Variants in RBFOX1 observed in about 807,000 individuals in gnomAD.
RBFOX1 encodes the protein RNA binding fox-1 homolog 1.
A neutral mutation model predicts 57.7 loss-of-function variants in RBFOX1; 8 were observed. The ratio of observed to expected loss-of-function variants is 0.14; its 90% CI spans 0.08 to 0.25. The LOEUF is 0.25. Ranked by LOEUF, RBFOX1 falls within the 10% of genes least tolerant of loss-of-function variation. The pLI, the probability that RBFOX1 is intolerant of heterozygous loss-of-function variation, is 1.00. For missense variants in RBFOX1, 611 were observed against 548.5 expected (o/e 1.11, Z -1.14); for synonymous variants, 326 against 222.4 (o/e 1.47, Z -4.15).
chr16:7,357,492 G>C (rs920740186), intron 4 of RBFOX1, among the ~76,000 whole-genome samples: 1 of 152,096 alleles, frequency 6.6e-6, no homozygotes, highest in African/African-American at 2.4e-5. Flanking sequence ...CCCTACAACT[G>C]TCCTGCTTAC....
chr16:6,963,893 T>C (rs1212419984), intron 3 of RBFOX1, among the ~76,000 whole-genome samples: 1 of 152,088 alleles, frequency 6.6e-6, no homozygotes, highest in Non-Finnish European at 1.5e-5. Context: ...AGAGATGGGA[T>C]TTCACTGTGT....
chr16:6,189,147 A>C (rs760580213), intron 1 of RBFOX1, among the ~76,000 whole-genome samples: 1 of 152,136 alleles, frequency 6.6e-6, no homozygotes, highest in Admixed American at 6.6e-5. Context: ...TTGTCATGCA[A>C]TTGTTTTGCT....
intron 3 of RBFOX1, among the ~76,000 whole-genome samples, chr16:5,793,631 C>T (rs929584418): frequency 6.6e-6 from 1 of 152,196 alleles, no homozygotes; most frequent in African/African-American, 2.4e-5. Flanking sequence ...GCAGTGCTCA[C>T]AAAGCAGTGA....
At chr16:6,767,957 AAG>A (rs1264796016) in intron 3 of RBFOX1, among the ~76,000 whole-genome samples, 29 of 101,334 alleles carry the variant, frequency 2.9e-4, no homozygotes, top group African/African-American at 1.0e-3. Context: ...TAAGAAGAAG[AAG>A]AAGAAGAAGA....
chr16:6,405,510 T>C (rs1264893743), intron 2 of RBFOX1, among the ~76,000 whole-genome samples: 21 of 152,106 alleles, frequency 1.4e-4, no homozygotes, highest in Non-Finnish European at 2.9e-5. Context: ...AAAGAAAACA[T>C]GGAGAATTGT....
chr16:6,005,698 GA>G (rs2060681310), intron 4 of RBFOX1, among the ~76,000 whole-genome samples: 1 of 152,164 alleles, frequency 6.6e-6, no homozygotes, highest in Non-Finnish European at 1.5e-5. Flanking sequence ...GCCCCTGGGG[GA>G]AAAACATTGC....
chr16:6,118,597 C>T (rs1458018742), intron 1 of RBFOX1, among the ~76,000 whole-genome samples: 1 of 151,858 alleles, frequency 6.6e-6, no homozygotes, highest in East Asian at 1.9e-4. Context: ...CTCTCCCTCT[C>T]TTTCTCTGTC....
At chr16:6,748,711 G>A (rs1025093120) in intron 3 of RBFOX1, among the ~76,000 whole-genome samples, 4 of 152,176 alleles carry the variant, frequency 2.6e-5, no homozygotes, top group Non-Finnish European at 5.9e-5. Flanking sequence ...TGTTATGCAT[G>A]TATGAACAGA....
chr16:6,051,170 G>C (rs2095548249), intron 1 of RBFOX1, among the ~76,000 whole-genome samples: 1 of 151,436 alleles, frequency 6.6e-6, no homozygotes, highest in Admixed American at 6.6e-5. Context: ...GTTCCTAAGG[G>C]TATTTCAGGA....
Position 7,383,346 on chromosome 16 carries a change from G to T in RBFOX1, c.28-134801G>T, listed in dbSNP as rs543515837. ...AACTTCTCTGCTTGGACAAAATTAG[G>T]CTCCCCAGTGGAGGCAAAAACAAAA... On this transcript the variant is annotated intron_variant, in intron 4 of 15. Coordinates refer to ENST00000550418, the MANE Select transcript of RBFOX1 (RefSeq NM_018723.4). Among the ~76,000 whole-genome samples, 250 of 151,226 alleles carry T rather than the reference G, an allele frequency of 1.7e-3. 2 individuals are homozygous for T. Among genetic ancestry groups the T allele is most frequent in the African/African-American group, 5.9e-3 (243 of 41,302 alleles).
intron 14 of RBFOX1, among the ~76,000 whole-genome samples, chr16:7,704,403 C>G (rs187320081): frequency 4.5e-4 from 69 of 152,280 alleles, no homozygotes; most frequent in African/African-American, 1.6e-3. Flanking sequence ...TACACTATTT[C>G]TAGAGTCCCC....
At chr16:6,693,147 C>T (rs1315625292) in intron 3 of RBFOX1, among the ~76,000 whole-genome samples, 1 of 151,726 alleles carries the variant, frequency 6.6e-6, no homozygotes, top group Non-Finnish European at 1.5e-5. Flanking sequence ...CCATCATCCT[C>T]CTCCACTAGC....
intron 3 of RBFOX1, among the ~76,000 whole-genome samples, chr16:5,790,087 C>G (rs868004108): frequency 7.2e-5 from 11 of 152,244 alleles, no homozygotes; most frequent in South Asian, 2.1e-4. Flanking sequence ...GCTGCTACCA[C>G]TCAGCAGGCC....
At chr16:7,244,030 A>T (rs931309469) in intron 4 of RBFOX1, among the ~76,000 whole-genome samples, 2 of 152,114 alleles carry the variant, frequency 1.3e-5, no homozygotes, top group African/African-American at 4.8e-5. Flanking sequence ...CAATATCTCA[A>T]AATGATCTTT....
intron 2 of RBFOX1, among the ~76,000 whole-genome samples, chr16:6,450,801 G>GTATATATATATACA (rs2094585553): frequency 6.1e-5 from 1 of 16,462 alleles, no homozygotes; most frequent in African/African-American, 2.3e-4. Context: ...ATATATATAT[G>GTATATATATATACA]TATATATATA....
intron 2 of RBFOX1, among the ~76,000 whole-genome samples, chr16:6,323,797 G>C (rs2082071303): frequency 6.6e-6 from 1 of 151,062 alleles, no homozygotes; most frequent in African/African-American, 2.4e-5. Flanking sequence ...TTTTGAGATA[G>C]AGTCTCACTC....
chr16:6,192,419 C>G (rs571917731), intron 1 of RBFOX1, among the ~76,000 whole-genome samples: 3 of 152,198 alleles, frequency 2.0e-5, no homozygotes, highest in African/African-American at 7.2e-5. Context: ...TTCTTACTGT[C>G]TTTATTTGAG....
At chr16:6,900,420 C>G (rs965582727) in intron 3 of RBFOX1, among the ~76,000 whole-genome samples, 2 of 152,226 alleles carry the variant, frequency 1.3e-5, no homozygotes, top group Non-Finnish European at 2.9e-5. Context: ...TCTAATCATG[C>G]TACCACTATC....
At chr16:6,767,947 T>TAATAAAGAAG (rs1410744665) in intron 3 of RBFOX1, among the ~76,000 whole-genome samples, 1 of 101,048 alleles carries the variant, frequency 9.9e-6, no homozygotes, top group Non-Finnish European at 1.9e-5. Context: ...ATAATAATAA[T>TAATAAAGAAG]AAGAAGAAGA....
Sources: gnomAD v4.1 joint callset for allele counts (sites outside exome capture counted in the v4.1 genomes callset) on GRCh38, gnomAD v4.1.1 for gene constraint, MANE v1.5 for transcripts, NCBI Gene and HGNC (gene_info 2026-07-23, HGNC 2026-07-21) for gene names.